DRD2: variants seen among roughly 807,000 people sequenced by gnomAD.
DRD2 encodes dopamine receptor D2.
DRD2 carries 8 observed loss-of-function variants against 38.0 expected under a neutral mutation model. The ratio of observed to expected loss-of-function variants is 0.21; its 90% CI spans 0.12 to 0.38. DRD2 has a LOEUF of 0.38. Ranked by LOEUF, DRD2 falls within the 10% of genes least tolerant of loss-of-function variation. The pLI is 1.00. For missense variants in DRD2, 403 were observed against 607.7 expected, an observed-to-expected ratio of 0.66 and a Z score of 3.54; for synonymous variants, 230 against 238.6, an observed-to-expected ratio of 0.96 and a Z score of 0.33.
intron 1 of DRD2, 103 bp from the exon 2 acceptor site, chr11:113,424,785 C>A: frequency 1.7e-6 from 2 of 1,206,898 alleles, no homozygotes; most frequent in Non-Finnish European, 1.2e-6. Context: ...AATTTTCCAA[C>A]TCGGGATTTT....
At chr11:113,441,399 T>C (rs1380299586) in intron 1 of DRD2, among the ~76,000 whole-genome samples, 2 of 152,230 alleles carry the variant, frequency 1.3e-5, no homozygotes, top group African/African-American at 4.8e-5. Context: ...ACTGGTAGCC[T>C]ATGGACCACA....
intron 1 of DRD2, among the ~76,000 whole-genome samples, chr11:113,440,615 G>A (rs1418546563): frequency 6.6e-6 from 1 of 152,198 alleles, no homozygotes; most frequent in Non-Finnish European, 1.5e-5. Flanking sequence ...GAAGATGAAA[G>A]GGCATTCCCA....
chr11:113,430,622 C>T (rs778582317), intron 1 of DRD2, among the ~76,000 whole-genome samples: 33 of 152,176 alleles, frequency 2.2e-4, no homozygotes, highest in Non-Finnish European at 4.0e-4. Context: ...CTTCTGTCTC[C>T]GGGCTGCACA....
rs140938110 is a variant in DRD2 at position 113,410,731 on chromosome 11, C to A, written c.1328G>T (p.Cys443Phe). ...CTGTGCGGGCAGGCAGCAGAGTCAG[C>A]AGTGGAGGATCTTCAGGAAGGCCTT... ...FRKAFLKILH[C>F] Residue 443 changes from cysteine to phenylalanine, a missense_variant, in exon 8 of 8, where the codon TGC (cysteine) becomes TTC (phenylalanine). Cys to Phe is a radical substitution (Grantham distance 205). Transcript: ENST00000362072. 6 of 1,614,046 alleles carry A rather than the reference C, an allele frequency of 3.7e-6. No individual in the cohort carries two copies. In the Admixed American group the frequency reaches 1.0e-4, roughly 27 times the overall value.
At chr11:113,436,112 G>T (rs1314701327) in intron 1 of DRD2, among the ~76,000 whole-genome samples, 1 of 152,140 alleles carries the variant, frequency 6.6e-6, no homozygotes, top group East Asian at 1.9e-4. Context: ...TTCCCATTTG[G>T]CAAAGGCGAT....
intron 1 of DRD2, among the ~76,000 whole-genome samples, chr11:113,461,626 T>G (rs1307441578): frequency 1.3e-5 from 2 of 152,214 alleles, no homozygotes; most frequent in East Asian, 3.9e-4. Flanking sequence ...ATTTTAGTCC[T>G]GACTCTGCCC....
chr11:113,448,318 C>T (rs1037873700), intron 1 of DRD2, among the ~76,000 whole-genome samples: 1 of 152,152 alleles, frequency 6.6e-6, no homozygotes, highest in East Asian at 1.9e-4. Context: ...TGGAAGGAAC[C>T]AGGCAGCAAC....
chr11:113,445,164 C>T (rs1951133293), intron 1 of DRD2, among the ~76,000 whole-genome samples: 1 of 152,242 alleles, frequency 6.6e-6, no homozygotes, highest in Non-Finnish European at 1.5e-5. Flanking sequence ...GGAGCTGTCA[C>T]AGATTACAGG....
At chr11:113,443,231 G>A (rs766646159) in intron 1 of DRD2, among the ~76,000 whole-genome samples, 3 of 151,942 alleles carry the variant, frequency 2.0e-5, no homozygotes, top group East Asian at 1.9e-4. Context: ...CACCTCCTCC[G>A]AGAAGCCTTC....
chr11:113,436,726 A>G lies in DRD2; in HGVS notation c.-31-12044T>C, dbSNP rs149442397. 3.1e-3 allele frequency among the ~76,000 whole-genome samples: 474 copies of G among 152,276 alleles called. 1 individual carries two copies. The highest frequency in any genetic ancestry group is 4.8e-3 in the Non-Finnish European group (329 of 68,018). On this transcript the variant is annotated intron_variant, in intron 1 of 7. Coordinates refer to ENST00000362072, the MANE Select transcript of DRD2 (RefSeq NM_000795.4). Reference sequence around the variant, plus strand: ...GACGCTATTCTTTTTAATTTTGTATATGTTTGAAATTTTCTATAACAAAAT... The same window carrying G: ...GACGCTATTCTTTTTAATTTTGTATGTGTTTGAAATTTTCTATAACAAAAT...
At chr11:113,437,913 G>A (rs1195632608) in intron 1 of DRD2, among the ~76,000 whole-genome samples, 1 of 152,176 alleles carries the variant, frequency 6.6e-6, no homozygotes, top group Non-Finnish European at 1.5e-5. Context: ...GGCACAACAG[G>A]GAAGAGAGCA....
intron 1 of DRD2, among the ~76,000 whole-genome samples, chr11:113,444,033 G>T (rs1347136229): frequency 6.6e-6 from 1 of 152,124 alleles, no homozygotes; most frequent in Non-Finnish European, 1.5e-5. Context: ...TGTTTTTGTT[G>T]TTGTTGTTGT....
At chr11:113,470,014 G>A (rs1054985909) in intron 1 of DRD2, among the ~76,000 whole-genome samples, 4 of 152,178 alleles carry the variant, frequency 2.6e-5, no homozygotes, top group Non-Finnish European at 5.9e-5. Context: ...TGGCCGTTAT[G>A]ATGATGAGGC....
At position 113,415,547 on chromosome 11, in the gene DRD2, G is replaced by A. The variant is rs1166053615; in HGVS notation, c.597C>T (p.Tyr199=). The A allele has an allele frequency of 3.1e-6, 5 of 1,614,090 alleles. No homozygotes were observed. Among genetic ancestry groups the A allele is most frequent in the African/African-American group, 1.3e-5 (1 of 74,946 alleles). The part of the protein sequence containing the change: ...FVVYSSIVSF[Y]VPFIVTLLVY... ...CCAGCAGGGTGACAATGAAGGGCACGTAGAAGGAGACGATGGAGGAGTAGA... is the reference window on the plus strand; with the variant it reads ...CCAGCAGGGTGACAATGAAGGGCACATAGAAGGAGACGATGGAGGAGTAGA... The change falls in exon 5 of 8, where the codon TAC becomes TAT. Residue 199 remains tyrosine, a synonymous_variant. Coordinates refer to ENST00000362072, the MANE Select transcript of DRD2 (RefSeq NM_000795.4).
chr11:113,456,453 G>A (rs573845389), intron 1 of DRD2, among the ~76,000 whole-genome samples: 1 of 152,310 alleles, frequency 6.6e-6, no homozygotes, highest in East Asian at 1.9e-4. Flanking sequence ...TATGTGAGGT[G>A]ATGGGTACGT....
At chr11:113,414,960 CA>C (rs1338560804) in intron 5 of DRD2, among the ~76,000 whole-genome samples, 5 of 152,016 alleles carry the variant, frequency 3.3e-5, no homozygotes, top group Non-Finnish European at 7.4e-5. Flanking sequence ...CACAAGACAT[CA>C]GGGGGGAAAT....
chr11:113,473,371 C>T (rs2120021547), intron 1 of DRD2, among the ~76,000 whole-genome samples: 1 of 152,278 alleles, frequency 6.6e-6, no homozygotes, highest in Admixed American at 6.5e-5. Context: ...GATTCTCATT[C>T]AGCAGTTTTT....
At chr11:113,436,523 T>G (rs2119833581) in intron 1 of DRD2, among the ~76,000 whole-genome samples, 1 of 152,328 alleles carries the variant, frequency 6.6e-6, no homozygotes, top group Middle Eastern at 3.4e-3. Context: ...TATGGCATTC[T>G]GGTGAATTTT....
chr11:113,451,521 T>A (rs1565674823), intron 1 of DRD2, among the ~76,000 whole-genome samples: 1 of 152,220 alleles, frequency 6.6e-6, no homozygotes, highest in Non-Finnish European at 1.5e-5. Context: ...AGATGGAATC[T>A]TGCTCTGTCA....
Sources: allele counts gnomAD v4.1 joint callset (sites outside exome capture counted in the v4.1 genomes callset), GRCh38; gene constraint gnomAD v4.1.1; transcripts MANE v1.5; gene names NCBI Gene and HGNC (gene_info 2026-07-23, HGNC 2026-07-21).